CUX1: variants seen among roughly 807,000 people sequenced by gnomAD.
CUX1 encodes cut like homeobox 1.
CUX1 carries 31 observed loss-of-function variants against 158.8 expected under a neutral mutation model. The observed-to-expected ratio is 0.20, with a 90% CI of 0.15 to 0.26. The LOEUF (loss-of-function observed/expected upper bound fraction) is 0.26. Among genes scored for constraint, CUX1 ranks in the 10% least tolerant of loss-of-function variants. CUX1 has a pLI of 1.00. For synonymous variants in CUX1, 879 were observed against 862.1 expected (o/e 1.02, Z -0.34); for missense variants, 1,589 against 2,014.6 (o/e 0.79, Z 4.04).
At chr7:101,974,876 G>A (rs1812447913) in intron 2 of CUX1, among the ~76,000 whole-genome samples, 2 of 152,178 alleles carry the variant, frequency 1.3e-5, no homozygotes, top group Non-Finnish European at 2.9e-5. Flanking sequence ...GTCATGGCAT[G>A]TGGGCAGAGG....
chr7:102,000,943 G>C (rs1373472096), intron 2 of CUX1, among the ~76,000 whole-genome samples: 6 of 152,026 alleles, frequency 3.9e-5, no homozygotes, highest in Non-Finnish European at 5.9e-5. Flanking sequence ...GGCTAATACT[G>C]TTTATTTGTA....
intron 11 of CUX1, among the ~76,000 whole-genome samples, chr7:102,189,110 C>T (rs56277217): frequency 0.024 from 3,713 of 152,208 alleles, 144 homozygotes; most frequent in African/African-American, 0.085. Context: ...GCCCTGATGC[C>T]TATCTGATGC....
chr7:101,963,650 G>GTA lies in CUX1; in HGVS notation c.141+47439_141+47440dup, dbSNP rs147828469. The stretch of plus-strand genomic sequence containing the variant: ...TTAGTACCTGTCAACACAAGCCTAT[G>GTA]TATATATATATATATTTTAAGAGAC... On this transcript the variant is annotated intron_variant, in intron 2 of 23. Transcript: ENST00000292535. Among the ~76,000 whole-genome samples the GTA allele has an allele frequency of 1.6e-3, 238 of 150,982 alleles. 1 individual carries two copies. The highest frequency in any genetic ancestry group is 4.3e-3 in the African/African-American group (179 of 41,186).
rs894705113 is a variant in CUX1, at chr7:101,972,121, C to G, written c.141+55896C>G. Among the ~76,000 whole-genome samples, 95 of 152,304 alleles carry G rather than the reference C, an allele frequency of 6.2e-4. 1 individual carries two copies. Among genetic ancestry groups the G allele is most frequent in the Admixed American group, 2.0e-4 (3 of 15,296 alleles). ...CGCTGGGACTACAGGCGCCTGCCAC[C>G]ACGCCCAGCTAATTTTTTGTATTTT... On this transcript the variant is annotated intron_variant, in intron 2 of 23. Transcript: ENST00000292535.
intron 3 of CUX1, among the ~76,000 whole-genome samples, chr7:102,049,265 A>G (rs1823203548): frequency 6.6e-6 from 1 of 152,238 alleles, no homozygotes; most frequent in Non-Finnish European, 1.5e-5. Context: ...GAGGCTGAGA[A>G]GAGCATCCCT....
chr7:102,264,215 A>G (rs1249080900), intron 14 of CUX1, among the ~76,000 whole-genome samples: 1 of 145,026 alleles, frequency 6.9e-6, no homozygotes, highest in African/African-American at 2.6e-5. Context: ...CGTCTTGGCC[A>G]GGCTGGTCTC....
intron 2 of CUX1, among the ~76,000 whole-genome samples, chr7:101,965,973 TCTGAAACAA>T (rs1811157318): frequency 6.6e-6 from 1 of 152,120 alleles, no homozygotes; most frequent in East Asian, 1.9e-4. Flanking sequence ...AAAACGTGTT[TCTGAAACAA>T]CTGGAGAAAT....
At chr7:101,898,309 C>T (rs899614558) in intron 1 of CUX1, among the ~76,000 whole-genome samples, 4 of 152,078 alleles carry the variant, frequency 2.6e-5, no homozygotes, top group African/African-American at 9.7e-5. Flanking sequence ...TTACGGCTGC[C>T]ACTCGGCCTT....
chr7:101,883,075 C>T (rs934634147), intron 1 of CUX1, among the ~76,000 whole-genome samples: 10 of 152,124 alleles, frequency 6.6e-5, no homozygotes, highest in Admixed American at 1.3e-4. Flanking sequence ...TGATTTCAAA[C>T]GCTAACACTC....
intron 1 of CUX1, among the ~76,000 whole-genome samples, chr7:101,849,594 C>G (rs994886848): frequency 6.6e-6 from 1 of 152,128 alleles, no homozygotes; most frequent in Non-Finnish European, 1.5e-5. Context: ...TGGGCATTTA[C>G]ATTGATTCTA....
chr7:102,175,988 C>T (rs374590807), intron 10 of CUX1, among the ~76,000 whole-genome samples: 8 of 152,384 alleles, frequency 5.2e-5, no homozygotes, highest in African/African-American at 1.7e-4. Flanking sequence ...CCCTGCAGCT[C>T]ACGCTGCACA....
chr7:102,124,782 A>ATT (rs879960291), intron 8 of CUX1, among the ~76,000 whole-genome samples: 1 of 143,544 alleles, frequency 7.0e-6, no homozygotes, highest in East Asian at 2.0e-4. Context: ...GTTAGTAGAA[A>ATT]TTTTTTTTTT....
chr7:102,042,343 C>T (rs1281662951), intron 3 of CUX1, among the ~76,000 whole-genome samples: 1 of 152,164 alleles, frequency 6.6e-6, no homozygotes, highest in Non-Finnish European at 1.5e-5. Flanking sequence ...ACCTCTGATG[C>T]TCATGCACTG....
intron 2 of CUX1, among the ~76,000 whole-genome samples, chr7:102,017,440 G>A (rs761536967): frequency 6.7e-6 from 1 of 149,922 alleles, no homozygotes; most frequent in Non-Finnish European, 1.5e-5. Flanking sequence ...CTCCTCAAAT[G>A]TCTCCTAGAA....
In CUX1 at chr7:102,252,708, C is replaced by T. The variant is rs1283584167; in HGVS notation, c.*3666C>T. 1.4e-5 allele frequency: 14 copies of T among 985,320 alleles called. No homozygotes were observed. The highest frequency in any genetic ancestry group is 1.7e-5 in the Non-Finnish European group (14 of 829,988). The allele number at this position is 985,320 out of a possible 1,614,324, so 61.0% of individuals were successfully genotyped here. On this transcript the variant is annotated 3_prime_UTR_variant, in exon 24 of 24. Transcript: ENST00000292535. ...GACCTGTGCCCAACTCACTTCCACC[C>T]CAGAGGAGTCTTCTGTCCTCCTCCC...
intron 1 of CUX1, chr7:101,824,824 C>A (rs376771670): frequency 1.3e-5 from 2 of 152,246 alleles, no homozygotes; most frequent in African/African-American, 4.8e-5. Context: ...ATAAAATTCT[C>A]GCTGGAGGGA....
In CUX1 at chr7:102,256,155, A is replaced by G; in HGVS notation, c.*7113A>G. 1.0e-6 allele frequency: 1 copy of G among 985,460 alleles called. No individual in the cohort carries two copies. The highest frequency in any genetic ancestry group is 1.2e-6 in the Non-Finnish European group (1 of 829,952). The allele number at this position is 985,460 out of a possible 1,614,324, so 61.0% of individuals were successfully genotyped here. A position where few individuals can be genotyped will look rare whatever the true frequency, so the allele number is the denominator to read the frequency against. The stretch of plus-strand genomic sequence containing the variant: ...GCCGGAGCCGCTGGCCTGACGAGGC[A>G]GGATAGGGAGTATCCGTGATTCAGA... On this transcript the variant is annotated 3_prime_UTR_variant, in exon 24 of 24. Transcript: ENST00000292535.
chr7:102,031,995 G>A (rs1304412492), intron 3 of CUX1, among the ~76,000 whole-genome samples: 5 of 150,666 alleles, frequency 3.3e-5, no homozygotes, highest in African/African-American at 4.9e-5. Context: ...GCATGATCTC[G>A]GCTCACTGCA....
At chr7:102,266,525 C>G (rs1790824100) in intron 14 of CUX1, among the ~76,000 whole-genome samples, 3 of 151,808 alleles carry the variant, frequency 2.0e-5, no homozygotes, top group East Asian at 1.9e-4. Context: ...GACTGGAGTC[C>G]CACACTGGGG....
Sources: allele counts gnomAD v4.1 joint callset (sites outside exome capture counted in the v4.1 genomes callset), GRCh38; gene constraint gnomAD v4.1.1; transcripts MANE v1.5; gene names NCBI Gene and HGNC (gene_info 2026-07-23, HGNC 2026-07-21).